Variants in ABCA1 observed in about 807,000 individuals in gnomAD.
ABCA1 encodes ATP binding cassette subfamily A member 1, also known as phospholipid-transporting ATPase ABCA1.
ABCA1 carries 133 observed loss-of-function variants against 262.5 expected under a neutral mutation model. The ratio of observed to expected loss-of-function variants is 0.51; its 90% CI spans 0.44 to 0.59. ABCA1 has a LOEUF of 0.59. ABCA1 is among the 20% of genes least tolerant of loss of function. The probability of loss-of-function intolerance (pLI) is 0.00; values close to 1 mark genes in which losing one functional copy is unlikely to be tolerated. For synonymous variants in ABCA1, 1,022 were observed against 1,043.5 expected (o/e 0.98, Z 0.40); for missense variants, 2,452 against 2,777.5 (o/e 0.88, Z 2.63).
Position 104,828,988 on chromosome 9 carries a change from G to T in ABCA1, c.2043C>A (p.Leu681=), listed in dbSNP as rs1001309965. The change falls in exon 15 of 50, where the codon CTC becomes CTA. Residue 681 remains leucine, a synonymous_variant. Coordinates refer to ENST00000374736, the MANE Select transcript of ABCA1 (RefSeq NM_005502.4). ...MRIMGLDNSI[L]WFSWFISSLI... ...GGCTACTAATGAACCAGCTAAACCAGAGGATGCTGTTGTCCAGGCCCATGA... is the reference window on the plus strand; with the variant it reads ...GGCTACTAATGAACCAGCTAAACCATAGGATGCTGTTGTCCAGGCCCATGA... 1.2e-6 allele frequency: 2 copies of T among 1,614,200 alleles called. No homozygotes were observed. Among genetic ancestry groups the T allele is most frequent in the African/African-American group, 2.7e-5 (2 of 75,038 alleles).
Position 104,785,415 on chromosome 9 carries a change from G to A in ABCA1, c.6626C>T (p.Ser2209Phe), listed in dbSNP as rs766870701. Residue 2209 changes from serine to phenylalanine, a missense_variant, in exon 49 of 50, where the codon TCT becomes TTT. Around this residue, in one of 4 missense-constraint regions of ABCA1, gnomAD observed 752 missense variants for 944.5 expected, o/e 0.80. Transcript: ENST00000374736. ...GCTTACTTGGTCAAGTGTTGTCTGA[G>A]AAACAGAGTAGTCTTCTATGTGGAG... Reference protein sequence around the residue: ...KRLHIEDYSVSQTTLDQVFVN... With the variant: ...KRLHIEDYSVFQTTLDQVFVN... The A allele has an allele frequency of 1.2e-6, 2 of 1,614,034 alleles. No homozygotes were observed. The highest frequency in any genetic ancestry group is 1.7e-5 in the Admixed American group (1 of 60,010).
At chr9:104,925,105 G>A (rs1842353640) in intron 1 of ABCA1, among the ~76,000 whole-genome samples, 2 of 152,132 alleles carry the variant, frequency 1.3e-5, no homozygotes, top group South Asian at 4.2e-4. Context: ...GGGGTCGGGC[G>A]CGGTGCCTCA....
intron 1 of ABCA1, among the ~76,000 whole-genome samples, chr9:104,921,342 G>C (rs553405414): frequency 1.3e-5 from 2 of 152,252 alleles, no homozygotes; most frequent in East Asian, 3.9e-4. Context: ...TAGAAGAATA[G>C]ATCCAATGCA....
At chr9:104,823,932 G>A (rs370028863) in intron 18 of ABCA1, among the ~76,000 whole-genome samples, 67 of 152,312 alleles carry the variant, frequency 4.4e-4, no homozygotes, top group African/African-American at 1.5e-3. Flanking sequence ...GCCACTCTAA[G>A]CACAAAGAAC....
In ABCA1 at chr9:104,812,821, T is replaced by TA. The variant is rs1831395671; in HGVS notation, c.3902-100_3902-99insT. ...GTCTTCAACAACTATCTTGAAGGCA[T>TA]GTGTCTGAAGCTAGAAGTTTCTCAG... On this transcript the variant is annotated intron_variant, in intron 27 of 49. Transcript: ENST00000374736. 2.0e-6 allele frequency: 3 copies of TA among 1,472,090 alleles called. No homozygotes were observed. In the East Asian group the frequency reaches 6.8e-5, roughly 33 times the overall value. 91.2% of individuals were successfully genotyped at this position (1,472,090 alleles called of 1,614,324 possible). A position where few individuals can be genotyped will look rare whatever the true frequency, so the allele number is the denominator to read the frequency against.
At chr9:104,812,799 T>C in intron 27 of ABCA1, 77 bp from the exon 28 acceptor site, 2 of 1,573,912 alleles carry the variant, frequency 1.3e-6, no homozygotes, top group South Asian at 1.1e-5. Context: ...TTCTGGTGTC[T>C]TCAACAACTA....
At position 104,822,519 on chromosome 9, in the gene ABCA1, A is replaced by G; in HGVS notation, c.2805T>C (p.Asn935=). The G allele has an allele frequency of 6.2e-7, 1 of 1,613,744 alleles. No individual in the cohort carries two copies. The highest frequency in any genetic ancestry group is 8.5e-7 in the Non-Finnish European group (1 of 1,179,958). The change falls in exon 19 of 50, where the codon AAT becomes AAC. Residue 935 remains asparagine, a synonymous_variant. Transcript: ENST00000374736. ...ACATGGTGGTCGTCTTCCCCGCTCCATTGTGGCCCAGGAAGGAGGTGATCT... is the reference window on the plus strand; with the variant it reads ...ACATGGTGGTCGTCTTCCCCGCTCCGTTGTGGCCCAGGAAGGAGGTGATCT... The part of the protein sequence containing the change: ...EGQITSFLGH[N]GAGKTTTMSI...
At chr9:104,822,061 C>T (rs1001891358) in intron 19 of ABCA1, among the ~76,000 whole-genome samples, 1 of 152,160 alleles carries the variant, frequency 6.6e-6, no homozygotes, top group African/African-American at 2.4e-5. Context: ...AGCCCCTGAC[C>T]CCTCCTGATA....
At chr9:104,908,842 G>C (rs980100252) in intron 1 of ABCA1, among the ~76,000 whole-genome samples, 10 of 152,156 alleles carry the variant, frequency 6.6e-5, no homozygotes, top group Admixed American at 6.5e-4. Flanking sequence ...GTGAAATGAA[G>C]GGGACAGAAA....
chr9:104,898,570 AAATAAATAAAT>A (rs1385049226), intron 2 of ABCA1, among the ~76,000 whole-genome samples: 3 of 148,486 alleles, frequency 2.0e-5, no homozygotes, highest in Admixed American at 6.7e-5. Flanking sequence ...ATAAATAAAT[AAATAAATAAAT>A]AAATAAATAA....
In ABCA1 at chr9:104,821,452, T is replaced by A. The variant is rs1487700031; in HGVS notation, c.2883A>T (p.Gly961=). 6.2e-7 allele frequency: 1 copy of A among 1,614,064 alleles called. No individual in the cohort carries two copies. The highest frequency in any genetic ancestry group is 2.2e-5 in the East Asian group (1 of 44,886). Residue 961 remains glycine (G), a synonymous_variant, in exon 20 of 50, where the codon GGA becomes GGT. Transcript: ENST00000374736. ...TGCTCATCTCAGAGCGAATGTCTTT[T>A]CCCAGGATGTAGGCGGTGCCCGAGG... ...PPTSGTAYIL[G]KDIRSEMSTI...
At chr9:104,865,411 G>C (rs1013533485) in intron 5 of ABCA1, among the ~76,000 whole-genome samples, 2 of 151,564 alleles carry the variant, frequency 1.3e-5, no homozygotes, top group African/African-American at 4.9e-5. Context: ...AGCTACTTGG[G>C]AGGCTGAAGC....
At chr9:104,925,375 C>CAAATAAAAAA (rs1826237751) in intron 1 of ABCA1, among the ~76,000 whole-genome samples, 1 of 123,242 alleles carries the variant, frequency 8.1e-6, no homozygotes. Flanking sequence ...GACTGCATCT[C>CAAATAAAAAA]AAAAAAAAAA....
intron 44 of ABCA1, 80 bp from the exon 45 acceptor site, chr9:104,788,647 A>G: frequency 1.3e-6 from 2 of 1,515,112 alleles, no homozygotes; most frequent in Non-Finnish European, 1.8e-6. Context: ...ATGTTCCTGT[A>G]AAGTATGCTT....
At chr9:104,819,378 T>C (rs1225528882) in intron 22 of ABCA1, among the ~76,000 whole-genome samples, 1 of 152,124 alleles carries the variant, frequency 6.6e-6, no homozygotes, top group African/African-American at 2.4e-5. Context: ...ACCATAAATT[T>C]AGTGCACCAT....
intron 33 of ABCA1, 90 bp downstream of exon 33, chr9:104,803,194 A>T: frequency 6.9e-7 from 1 of 1,447,398 alleles, no homozygotes; most frequent in Non-Finnish European, 9.7e-7. Context: ...TGTGTGAGTG[A>T]CAAACAATCC....
intron 46 of ABCA1, among the ~76,000 whole-genome samples, chr9:104,787,546 G>A (rs62566032): frequency 0.092 from 14,034 of 152,186 alleles, 939 homozygotes; most frequent in East Asian, 0.26. Flanking sequence ...TCATCTATCC[G>A]TGTGTAAGGA....
intron 5 of ABCA1, among the ~76,000 whole-genome samples, chr9:104,868,511 C>A (rs565871080): frequency 6.6e-6 from 1 of 152,162 alleles, no homozygotes; most frequent in Non-Finnish European, 1.5e-5. Flanking sequence ...TCACAGGATG[C>A]GGAGCTGGGC....
chr9:104,861,694 A>G lies in ABCA1; in HGVS notation c.528T>C (p.Asp176=), dbSNP rs780811638. 1 of 1,614,080 alleles carries G rather than the reference A, an allele frequency of 6.2e-7. No homozygotes were observed. The highest frequency in any genetic ancestry group is 1.7e-5 in the Admixed American group (1 of 60,004). ...KSTVDKMLRA[D]VILHKVFLQG... is the part of the protein sequence containing the mutation. ...ATCAGCTTACCTTGTGGAGAATGAC[A>G]TCAGCCCTCAGCATCTTGTCCACAG... The change falls in exon 6 of 50, where the codon GAT becomes GAC. Residue 176 remains aspartate (D), a synonymous_variant. Transcript: ENST00000374736.
Sources: allele counts gnomAD v4.1 joint callset (sites outside exome capture counted in the v4.1 genomes callset), GRCh38; gene constraint gnomAD v4.1.1; regional missense constraint gnomAD v4.1.1; transcripts MANE v1.5; gene names NCBI Gene and HGNC (gene_info 2026-07-23, HGNC 2026-07-21).